Variants in COMMD10 observed in about 807,000 individuals in gnomAD.
COMMD10 encodes COMM domain containing 10.
A neutral mutation model predicts 28.9 loss-of-function variants in COMMD10; 33 were observed. The ratio of observed to expected loss-of-function variants is 1.14; its 90% CI spans 0.87 to 1.53. The LOEUF (loss-of-function observed/expected upper bound fraction) is 1.53. Among genes scored for constraint, COMMD10 ranks in the 40% most tolerant of loss-of-function variants. COMMD10 has a pLI of 0.00. For missense variants in COMMD10, 310 were observed against 233.4 expected, an observed-to-expected ratio of 1.33 and a Z score of -2.14; for synonymous variants, 110 against 81.7, an observed-to-expected ratio of 1.35 and a Z score of -1.87.
At chr5:116,087,950 T>A (rs1329491357) in intron 2 of COMMD10, among the ~76,000 whole-genome samples, 1 of 152,226 alleles carries the variant, frequency 6.6e-6, no homozygotes. Context: ...AAAATTCTGA[T>A]GTCTTGGTTT....
intron 4 of COMMD10, among the ~76,000 whole-genome samples, chr5:116,129,149 T>C (rs1751767362): frequency 6.6e-6 from 1 of 151,634 alleles, no homozygotes; most frequent in Non-Finnish European, 1.5e-5. Context: ...ACTTTTGATT[T>C]TGATATAATT....
intron 5 of COMMD10, among the ~76,000 whole-genome samples, chr5:116,211,992 C>T (rs4610496): frequency 0.98 from 148,991 of 152,284 alleles, 72,971 homozygotes; most frequent in East Asian, 1. Context: ...ATAATACCTG[C>T]TTCTTTGTGT....
intron 5 of COMMD10, among the ~76,000 whole-genome samples, chr5:116,149,433 A>T (rs1256352212): frequency 1.1e-4 from 16 of 148,454 alleles, no homozygotes; most frequent in African/African-American, 1.5e-4. Context: ...ATCGCCACAC[A>T]GACTTCCACA....
chr5:116,089,991 G>A (rs992764785), intron 2 of COMMD10, among the ~76,000 whole-genome samples: 3 of 152,202 alleles, frequency 2.0e-5, no homozygotes, highest in Non-Finnish European at 4.4e-5. Flanking sequence ...TCTTAGAATA[G>A]TGAAACTGAG....
chr5:116,093,403 C>T (rs1302243115), intron 4 of COMMD10, among the ~76,000 whole-genome samples: 1 of 152,184 alleles, frequency 6.6e-6, no homozygotes, highest in Non-Finnish European at 1.5e-5. Flanking sequence ...TGGGATCAAC[C>T]AGAAGCCTGG....
chr5:116,136,448 T>C (rs1752026925), intron 5 of COMMD10, among the ~76,000 whole-genome samples: 1 of 152,220 alleles, frequency 6.6e-6, no homozygotes, highest in African/African-American at 2.4e-5. Flanking sequence ...AAGCATTTTG[T>C]ATGTTGGAAG....
intron 5 of COMMD10, among the ~76,000 whole-genome samples, chr5:116,286,575 C>T (rs545807019): frequency 1.3e-5 from 2 of 151,760 alleles, no homozygotes; most frequent in Admixed American, 6.6e-5. Flanking sequence ...TTTCATTTGT[C>T]TTAAGATATT....
intron 5 of COMMD10, among the ~76,000 whole-genome samples, chr5:116,227,849 A>G (rs1749436007): frequency 6.6e-6 from 1 of 152,092 alleles, no homozygotes; most frequent in African/African-American, 2.4e-5. Flanking sequence ...ATCAGTGTGT[A>G]TGTATACCAG....
intron 4 of COMMD10, among the ~76,000 whole-genome samples, chr5:116,122,831 T>A (rs1003132471): frequency 2.2e-4 from 34 of 152,352 alleles, no homozygotes; most frequent in Middle Eastern, 3.4e-3. Context: ...TGATTTTGTA[T>A]CCTGAGACTT....
chr5:116,249,108 C>T (rs1021564568), intron 5 of COMMD10, among the ~76,000 whole-genome samples: 13 of 151,854 alleles, frequency 8.6e-5, no homozygotes, highest in African/African-American at 2.4e-4. Context: ...CATATTCTTC[C>T]TTTAAAGTCA....
intron 2 of COMMD10, among the ~76,000 whole-genome samples, chr5:116,089,457 G>C (rs1035042219): frequency 1.3e-5 from 2 of 152,180 alleles, no homozygotes; most frequent in African/African-American, 4.8e-5. Flanking sequence ...TCTTCAGCTG[G>C]TGGGTGCTTG....
At chr5:116,088,802 C>A (rs1750205811) in intron 2 of COMMD10, among the ~76,000 whole-genome samples, 1 of 152,210 alleles carries the variant, frequency 6.6e-6, no homozygotes, top group African/African-American at 2.4e-5. Flanking sequence ...TTCATTCTCA[C>A]CTGATTTTAG....
intron 5 of COMMD10, among the ~76,000 whole-genome samples, chr5:116,178,433 T>G (rs1005800411): frequency 6.6e-6 from 1 of 152,042 alleles, no homozygotes; most frequent in Non-Finnish European, 1.5e-5. Flanking sequence ...ATATTTGGAG[T>G]TATTATAAAG....
At position 116,163,434 on chromosome 5, in the gene COMMD10, A is replaced by G. The variant is rs1011450876; in HGVS notation, c.510+29256A>G. 4.9e-4 allele frequency among the ~76,000 whole-genome samples: 74 copies of G among 150,106 alleles called. 2 individuals are homozygous for G. The highest frequency in any genetic ancestry group is 1.7e-3 in the African/African-American group (69 of 40,686). On this transcript the variant is annotated intron_variant, in intron 5 of 6. Coordinates refer to ENST00000274458, the MANE Select transcript of COMMD10 (RefSeq NM_016144.4). ...ACCCCACCTCTACTTAAAAAAAAAA[A>G]AAAAAAAAAGCCAGGCTTGGTGGCG...
At chr5:116,229,926 TA>T (rs1749485956) in intron 5 of COMMD10, among the ~76,000 whole-genome samples, 2 of 151,764 alleles carry the variant, frequency 1.3e-5, no homozygotes. Flanking sequence ...TTAGACCACC[TA>T]AAAACACTAG....
At chr5:116,162,209 G>A (rs940031852) in intron 5 of COMMD10, among the ~76,000 whole-genome samples, 2 of 152,102 alleles carry the variant, frequency 1.3e-5, no homozygotes, top group African/African-American at 2.4e-5. Flanking sequence ...TTATGAGTGT[G>A]GGTATTTTGT....
At position 116,087,602 on chromosome 5, in the gene COMMD10, G is replaced by T; in HGVS notation, c.132+15G>T. 1 of 1,523,154 alleles carries T rather than the reference G, an allele frequency of 6.6e-7. No homozygotes were observed. The highest frequency in any genetic ancestry group is 9.1e-7 in the Non-Finnish European group (1 of 1,097,376). The allele number at this position is 1,523,154 out of a possible 1,614,324, so 94.4% of individuals were successfully genotyped here. The stretch of plus-strand genomic sequence containing the variant: ...TTCACCTGAAGGTTTGTATTTGTGT[G>T]TTTCCATGCCTTGTAATCTTCCTTC... On this transcript the variant is annotated intron_variant, in intron 2 of 6. Transcript: ENST00000274458.
intron 5 of COMMD10, among the ~76,000 whole-genome samples, chr5:116,201,499 A>T (rs1416207005): frequency 6.6e-6 from 1 of 152,044 alleles, no homozygotes; most frequent in Non-Finnish European, 1.5e-5. Flanking sequence ...CTGGGTTTCT[A>T]CTCCAATAAG....
intron 5 of COMMD10, among the ~76,000 whole-genome samples, chr5:116,205,750 A>T (rs1333069452): frequency 6.6e-6 from 1 of 152,150 alleles, no homozygotes; most frequent in Non-Finnish European, 1.5e-5. Context: ...TTAAGAAATA[A>T]GTTGTTATAA....
Sources: gnomAD v4.1 joint callset for allele counts (sites outside exome capture counted in the v4.1 genomes callset) on GRCh38, gnomAD v4.1.1 for gene constraint, MANE v1.5 for transcripts, NCBI Gene and HGNC (gene_info 2026-07-23, HGNC 2026-07-21) for gene names.